NXPH1: variants seen among roughly 807,000 people sequenced by gnomAD.
The protein encoded by NXPH1 is neurexophilin 1.
A neutral mutation model predicts 23.7 loss-of-function variants in NXPH1; 5 were observed. That is an observed-to-expected ratio of 0.21 (90% CI 0.11 to 0.44). The LOEUF is 0.44. NXPH1 is among the 20% of genes least tolerant of loss of function. The pLI, the probability that NXPH1 is intolerant of heterozygous loss-of-function variation, is 0.99. For synonymous variants in NXPH1, 144 were observed against 122.2 expected, an observed-to-expected ratio of 1.18 and a Z score of -1.18; for missense variants, 324 against 321.6, an observed-to-expected ratio of 1.01 and a Z score of -0.06.
At chr7:8,530,253 T>C (rs1817930151) in intron 2 of NXPH1, among the ~76,000 whole-genome samples, 2 of 152,190 alleles carry the variant, frequency 1.3e-5, no homozygotes, top group Non-Finnish European at 2.9e-5. Context: ...ATATGTGTGC[T>C]ATTAACCTGT....
chr7:8,704,107 C>G (rs990486573), intron 2 of NXPH1, among the ~76,000 whole-genome samples: 8 of 152,058 alleles, frequency 5.3e-5, no homozygotes, highest in African/African-American at 1.9e-4. Context: ...AAACTTACTG[C>G]TATGGTTAAA....
At chr7:8,470,624 G>C (rs1040562763) in intron 2 of NXPH1, among the ~76,000 whole-genome samples, 1 of 152,134 alleles carries the variant, frequency 6.6e-6, no homozygotes. Context: ...ACCTTTACTG[G>C]AAGTTCATGA....
chr7:8,647,228 C>T (rs1404488255), intron 2 of NXPH1, among the ~76,000 whole-genome samples: 1 of 152,178 alleles, frequency 6.6e-6, no homozygotes, highest in Non-Finnish European at 1.5e-5. Flanking sequence ...ACCCTCAGGC[C>T]CACAGTGTCT....
chr7:8,470,096 G>A lies in NXPH1; in HGVS notation c.54+34329G>A, dbSNP rs906737255. 2.0e-5 allele frequency among the ~76,000 whole-genome samples: 3 copies of A among 152,164 alleles called. No individual in the cohort carries two copies. In the East Asian group the frequency reaches 5.8e-4, roughly 29 times the overall value. ...CATGCACTACAGGAATCCAGCTCAGGTATGGTCAAATTGGTTGAAAGTACT... is the reference window on the plus strand; with the variant it reads ...CATGCACTACAGGAATCCAGCTCAGATATGGTCAAATTGGTTGAAAGTACT... On this transcript the variant is annotated intron_variant, in intron 2 of 2. Transcript: ENST00000405863.
chr7:8,619,319 T>C (rs1240480149), intron 2 of NXPH1, among the ~76,000 whole-genome samples: 1 of 152,214 alleles, frequency 6.6e-6, no homozygotes, highest in Non-Finnish European at 1.5e-5. Flanking sequence ...AGTTAACTTC[T>C]GCAGTCTGCT....
chr7:8,472,435 A>G (rs954701537), intron 2 of NXPH1, among the ~76,000 whole-genome samples: 1 of 152,252 alleles, frequency 6.6e-6, no homozygotes, highest in African/African-American at 2.4e-5. Context: ...CAAATGAGAG[A>G]CTGAGCCAAC....
chr7:8,449,721 T>C (rs1319461018), intron 2 of NXPH1, among the ~76,000 whole-genome samples: 1 of 152,210 alleles, frequency 6.6e-6, no homozygotes, highest in Non-Finnish European at 1.5e-5. Context: ...CTCATAAAAA[T>C]ATTTCAAAAG....
At chr7:8,460,450 G>A (rs990895791) in intron 2 of NXPH1, among the ~76,000 whole-genome samples, 1 of 152,076 alleles carries the variant, frequency 6.6e-6, no homozygotes. Context: ...CAAATTCAGG[G>A]GTTTGAGCCT....
At chr7:8,478,216 AT>A (rs1817009659) in intron 2 of NXPH1, among the ~76,000 whole-genome samples, 1 of 152,134 alleles carries the variant, frequency 6.6e-6, no homozygotes, top group Non-Finnish European at 1.5e-5. Flanking sequence ...GTTTCTTAAC[AT>A]TTGATAAGTT....
rs574847133 is a variant in NXPH1, at chr7:8,675,228, T to G, written c.55-75780T>G. 4.6e-5 allele frequency among the ~76,000 whole-genome samples: 7 copies of G among 152,170 alleles called. No individual in the cohort carries two copies. The South Asian group carries it at 1.4e-3, about 32-fold the overall frequency. On this transcript the variant is annotated intron_variant, in intron 2 of 2. Coordinates refer to ENST00000405863, the MANE Select transcript of NXPH1 (RefSeq NM_152745.3). ...AGTTTCTTTATCTCTAAAATGGGACTAAGAATACCTACCTCAAAATGCCTA... is the reference window on the plus strand; with the variant it reads ...AGTTTCTTTATCTCTAAAATGGGACGAAGAATACCTACCTCAAAATGCCTA...
intron 2 of NXPH1, among the ~76,000 whole-genome samples, chr7:8,502,239 G>A (rs185259510): frequency 1.3e-5 from 2 of 152,086 alleles, no homozygotes; most frequent in East Asian, 1.9e-4. Flanking sequence ...AGAAATTTTA[G>A]ATTTTATTGT....
chr7:8,475,573 T>C (rs1307009741), intron 2 of NXPH1, among the ~76,000 whole-genome samples: 1 of 152,182 alleles, frequency 6.6e-6, no homozygotes, highest in African/African-American at 2.4e-5. Context: ...TGTCTTCATA[T>C]GACTTTCTTC....
intron 2 of NXPH1, among the ~76,000 whole-genome samples, chr7:8,637,949 GGAATA>G (rs1820245814): frequency 6.6e-6 from 1 of 151,998 alleles, no homozygotes; most frequent in South Asian, 2.1e-4. Context: ...GCCCATACCT[GGAATA>G]GGAATCCAAG....
At chr7:8,677,353 A>G (rs1022845891) in intron 2 of NXPH1, among the ~76,000 whole-genome samples, 4 of 152,250 alleles carry the variant, frequency 2.6e-5, no homozygotes, top group African/African-American at 9.6e-5. Flanking sequence ...GAAGGTTGTC[A>G]GAATGTGAAT....
intron 2 of NXPH1, among the ~76,000 whole-genome samples, chr7:8,724,342 A>G (rs377511321): frequency 6.6e-6 from 1 of 152,200 alleles, no homozygotes; most frequent in Non-Finnish European, 1.5e-5. Flanking sequence ...GAAAAGGGTA[A>G]TTAAAATACC....
chr7:8,561,371 C>A (rs1818441535), intron 2 of NXPH1, among the ~76,000 whole-genome samples: 2 of 150,412 alleles, frequency 1.3e-5, no homozygotes, highest in South Asian at 4.2e-4. Context: ...CACACACACA[C>A]ACACACACAC....
chr7:8,748,159 C>A (rs181637727), intron 2 of NXPH1, among the ~76,000 whole-genome samples: 11 of 152,102 alleles, frequency 7.2e-5, no homozygotes, highest in Admixed American at 5.9e-4. Context: ...ATATTTAGTC[C>A]TTATTAAAAA....
At chr7:8,564,659 AT>A (rs1818508371) in intron 2 of NXPH1, among the ~76,000 whole-genome samples, 1 of 151,860 alleles carries the variant, frequency 6.6e-6, no homozygotes. Context: ...CATCACTTGA[AT>A]GCTTTACAAA....
At chr7:8,627,760 C>A (rs575135451) in intron 2 of NXPH1, among the ~76,000 whole-genome samples, 1 of 151,990 alleles carries the variant, frequency 6.6e-6, no homozygotes, top group Admixed American at 6.6e-5. Flanking sequence ...ATTTTAAAAG[C>A]AGAAGGGTAG....
Sources: allele counts gnomAD v4.1 joint callset (sites outside exome capture counted in the v4.1 genomes callset), GRCh38; gene constraint gnomAD v4.1.1; transcripts MANE v1.5; gene names NCBI Gene and HGNC (gene_info 2026-07-23, HGNC 2026-07-21).